ZBTB32: variants seen among roughly 807,000 people sequenced by gnomAD.
ZBTB32 encodes zinc finger and BTB domain-containing protein 32.
Under a neutral mutation model 45.3 loss-of-function variants are expected in ZBTB32, and 28 were observed. The ratio of observed to expected loss-of-function variants is 0.62; its 90% confidence interval spans 0.46 to 0.85. The LOEUF is 0.85. Ranked by LOEUF, ZBTB32 falls within the 40% of genes least tolerant of loss-of-function variation. The pLI, the probability that ZBTB32 is intolerant of heterozygous loss-of-function variation, is 0.00. For synonymous variants in ZBTB32, 283 were observed against 255.7 expected, an observed-to-expected ratio of 1.11 and a Z score of -1.02; for missense variants, 587 against 624.4, an observed-to-expected ratio of 0.94 and a Z score of 0.64.
At chr19:35,711,734 TC>T (rs1460769305) in intron 1 of ZBTB32, among the ~76,000 whole-genome samples, 1 of 151,934 alleles carries the variant, frequency 6.6e-6, no homozygotes, top group East Asian at 1.9e-4. Context: ...CTTAGATCCT[TC>T]CCCCTTAAGA....
chr19:35,716,644 C>A lies in ZBTB32; in HGVS notation c.1356C>A (p.Pro452=), dbSNP rs763920744. 2.5e-5 allele frequency: 40 copies of A among 1,613,856 alleles called. No individual in the cohort carries two copies. The South Asian group carries it at 3.2e-4, about 13-fold the overall frequency. The part of the protein sequence containing the change: ...SMQAHMRGHS[P]SQLPPGWTIR... ...AGGCGCACATGCGCGGTCACTCGCCCAGCCAACTCCCGCCCGGATGGACCA... is the reference window on the plus strand; with the variant it reads ...AGGCGCACATGCGCGGTCACTCGCCAAGCCAACTCCCGCCCGGATGGACCA... Residue 452 remains proline, a synonymous_variant, in exon 7 of 7, where the codon CCC becomes CCA. Coordinates refer to ENST00000392197, the MANE Select transcript of ZBTB32 (RefSeq NM_014383.3).
intron 3 of ZBTB32, 89 bp downstream of exon 3, chr19:35,715,596 TCTACTGCACAGTTC>T: frequency 6.7e-7 from 1 of 1,483,264 alleles, no homozygotes; most frequent in Non-Finnish European, 9.0e-7. Context: ...GCACTGCATC[TCTACTGCACAGTTC>T]CTGAGCTGGG....
rs572240684 is a variant in ZBTB32 at position 35,714,636 on chromosome 19, C to T, written c.10C>T (p.Pro4Ser). The change falls in exon 3 of 7, where the codon CCC (proline) becomes TCC (serine). Residue 4 changes from proline to serine, a missense_variant. Physicochemically the swap from Pro to Ser is moderately conservative, Grantham distance 74. Coordinates refer to ENST00000392197, the MANE Select transcript of ZBTB32 (RefSeq NM_014383.3). The stretch of plus-strand genomic sequence containing the variant: ...CCCAAGCCAAGGCACAATGTCCCTG[C>T]CCCCCATAAGACTGCCCAGCCCCTA... The part of the protein sequence containing the change: MSL[P>S]PIRLPSPYGS... 39 of 1,535,018 alleles carry T rather than the reference C, an allele frequency of 2.5e-5. No homozygotes were observed. The South Asian group carries it at 3.6e-4, about 14-fold the overall frequency.
At chr19:35,715,687 C>T (rs2234369) in intron 3 of ZBTB32, 70 bp from the exon 4 acceptor site, 13 of 1,522,326 alleles carry the variant, frequency 8.5e-6, no homozygotes, top group East Asian at 2.3e-5. Context: ...ACTTGGGATA[C>T]CCCCTCTTCA....
rs1968927232 is a variant in ZBTB32 at position 35,716,786 on chromosome 19, A to G, written c.*34A>G. ...CGGTAGCGTCTTAGCCAAGAGTCCA[A>G]TTAAAGAACGAAAAGCGGGCCGGCT... On this transcript the variant is annotated 3_prime_UTR_variant, in exon 7 of 7. Coordinates refer to ENST00000392197, the MANE Select transcript of ZBTB32 (RefSeq NM_014383.3). 4 of 1,576,934 alleles carry G rather than the reference A, an allele frequency of 2.5e-6. No individual in the cohort carries two copies. Among genetic ancestry groups the G allele is most frequent in the South Asian group, 2.2e-5 (2 of 89,190 alleles).
At position 35,716,773 on chromosome 19, in the gene ZBTB32, A is replaced by G. The variant is rs1431555000; in HGVS notation, c.*21A>G. 1.3e-6 allele frequency: 2 copies of G among 1,588,712 alleles called. No homozygotes were observed. The highest frequency in any genetic ancestry group is 2.3e-5 in the East Asian group (1 of 44,230). ...CCTGACGGGGTGTCGGTAGCGTCTT[A>G]GCCAAGAGTCCAATTAAAGAACGAA... is the stretch of plus-strand genomic sequence containing the variant. On this transcript the variant is annotated 3_prime_UTR_variant, in exon 7 of 7. Coordinates refer to ENST00000392197, the MANE Select transcript of ZBTB32 (RefSeq NM_014383.3).
At position 35,716,667 on chromosome 19, in the gene ZBTB32, C is replaced by G. The variant is rs1405384708; in HGVS notation, c.1379C>G (p.Thr460Ser). Residue 460 changes from threonine to serine, a missense_variant, in exon 7 of 7, where the codon ACC becomes AGC. Transcript: ENST00000392197. ...CCCAGCCAACTCCCGCCCGGATGGA[C>G]CATCCGCTCCACCTTCCTCTACTCC... is the stretch of plus-strand genomic sequence containing the variant. ...HSPSQLPPGW[T>S]IRSTFLYSSS... 3 of 1,613,952 alleles carry G rather than the reference C, an allele frequency of 1.9e-6. No homozygotes were observed. Among genetic ancestry groups the G allele is most frequent in the Non-Finnish European group, 2.5e-6 (3 of 1,180,006 alleles).
At position 35,715,293 on chromosome 19, in the gene ZBTB32, GAGGAA is replaced by G; in HGVS notation, c.670_674del (p.Glu224SerfsTer21). On this transcript the variant is annotated frameshift_variant, in exon 3 of 7. Coordinates refer to ENST00000392197, the MANE Select transcript of ZBTB32 (RefSeq NM_014383.3). LOFTEE classifies it high-confidence loss of function. Reference sequence around the variant, plus strand: ...GTTGAGGGAAAATCCAGGGGGCTCTGAGGAAAGTCTGCGCAAGCTCCCTGGCCCCC... The same window carrying G: ...GTTGAGGGAAAATCCAGGGGGCTCTGAGTCTGCGCAAGCTCCCTGGCCCCC... 6.3e-7 allele frequency: 1 copy of G among 1,583,998 alleles called. No individual in the cohort carries two copies. Among genetic ancestry groups the G allele is most frequent in the Non-Finnish European group, 8.6e-7 (1 of 1,166,714 alleles).
chr19:35,711,421 G>A (rs1311353067), intron 1 of ZBTB32, among the ~76,000 whole-genome samples: 1 of 152,180 alleles, frequency 6.6e-6, no homozygotes, highest in Admixed American at 6.5e-5. Flanking sequence ...GGAAAGCTCA[G>A]AAATGGAAAA....
At chr19:35,716,046 T>A (rs770993449) in intron 5 of ZBTB32, 39 bp downstream of exon 5, 2 of 1,611,048 alleles carry the variant, frequency 1.2e-6, no homozygotes, top group Non-Finnish European at 1.7e-6. Context: ...AGCCCCACTG[T>A]AGCCCTTGAT....
Position 35,715,038 on chromosome 19 carries a change from C to T in ZBTB32, c.412C>T (p.Pro138Ser). 1 of 1,613,128 alleles carries T rather than the reference C, an allele frequency of 6.2e-7. No individual in the cohort carries two copies. Among genetic ancestry groups the T allele is most frequent in the Non-Finnish European group, 8.5e-7 (1 of 1,179,762 alleles). Reference protein sequence around the residue: ...QEEPEKPSRNPERELGDPGEK... With the variant: ...QEEPEKPSRNSERELGDPGEK... Reference sequence around the variant, plus strand: ...GGAGCCAGAGAAACCCTCAAGGAATCCTGAGAGAGAACTGGGGGACCCTGG... The same window carrying T: ...GGAGCCAGAGAAACCCTCAAGGAATTCTGAGAGAGAACTGGGGGACCCTGG... Residue 138 changes from proline (P) to serine (S), a missense_variant, in exon 3 of 7, where the codon CCT becomes TCT. Coordinates refer to ENST00000392197, the MANE Select transcript of ZBTB32 (RefSeq NM_014383.3).
At position 35,716,518 on chromosome 19, in the gene ZBTB32, C is replaced by G. The variant is rs1053692319; in HGVS notation, c.1230C>G (p.Ser410=). ...CCTGTAGCCTTTGTCCTCAGCGCTC[C>G]CGGGACTTCTCGGCCATGACCAAGC... ...PFSCSLCPQR[S]RDFSAMTKHL... is the part of the protein sequence containing the mutation. The change falls in exon 7 of 7, where the codon TCC becomes TCG. Residue 410 remains serine, a synonymous_variant. Transcript: ENST00000392197. 6.2e-7 allele frequency: 1 copy of G among 1,611,586 alleles called. No individual in the cohort carries two copies. The highest frequency in any genetic ancestry group is 1.7e-5 in the Admixed American group (1 of 59,978).
In ZBTB32 at chr19:35,704,604, G is replaced by C. The variant is rs1756593581; in HGVS notation, c.-241G>C. 6.6e-6 allele frequency: 1 copy of C among 152,372 alleles called. No homozygotes were observed. The highest frequency in any genetic ancestry group is 6.5e-5 in the Admixed American group (1 of 15,282). The allele number at this position is 152,372 out of a possible 1,614,324, so 9.4% of individuals were successfully genotyped here. On this transcript the variant is annotated 5_prime_UTR_variant, in exon 1 of 7. Transcript: ENST00000392197. The stretch of plus-strand genomic sequence containing the variant: ...GGTGTATGTGAGGCTGAAAGGGAAG[G>C]AGGAACAGGGTCTGGGCCGGTGAGT...
intron 1 of ZBTB32, among the ~76,000 whole-genome samples, chr19:35,708,434 T>C (rs1043628165): frequency 2.4e-4 from 36 of 152,098 alleles, no homozygotes; most frequent in Non-Finnish European, 4.6e-4. Flanking sequence ...CCAGAGGAGG[T>C]CCAAATGGGA....
Position 35,715,782 on chromosome 19 carries a change from A to G in ZBTB32, c.907A>G (p.Lys303Glu). The G allele has an allele frequency of 1.9e-6, 3 of 1,613,388 alleles. No homozygotes were observed. The highest frequency in any genetic ancestry group is 2.2e-5 in the South Asian group (2 of 91,006). The change falls in exon 4 of 7, where the codon AAA becomes GAA. Residue 303 changes from lysine to glutamate, a missense_variant. Transcript: ENST00000392197. ...QRIPLSLNAPKGLWSQNQLAS... is the reference protein window; with the variant it reads ...QRIPLSLNAPEGLWSQNQLAS... Reference sequence around the variant, plus strand: ...GATCCCACTGTCCCTAAATGCCCCCAAAGGGCTCTGGAGCCAGAACCAGTT... The same window carrying G: ...GATCCCACTGTCCCTAAATGCCCCCGAAGGGCTCTGGAGCCAGAACCAGTT...
intron 1 of ZBTB32, among the ~76,000 whole-genome samples, chr19:35,710,929 T>C (rs1968674268): frequency 6.6e-6 from 1 of 152,018 alleles, no homozygotes; most frequent in African/African-American, 2.4e-5. Flanking sequence ...CAAAGGGCCC[T>C]GGAGATAATT....
intron 1 of ZBTB32, among the ~76,000 whole-genome samples, chr19:35,711,262 A>AGTCCC (rs1644411817): frequency 6.6e-6 from 1 of 152,190 alleles, no homozygotes; most frequent in African/African-American, 2.4e-5. Flanking sequence ...CCCTGGGGCT[A>AGTCCC]GTCCCTCAGG....
chr19:35,716,795 C>T lies in ZBTB32; in HGVS notation c.*43C>T. ...CTTAGCCAAGAGTCCAATTAAAGAA[C>T]GAAAAGCGGGCCGGCTCGGCTTCTG... On this transcript the variant is annotated 3_prime_UTR_variant, in exon 7 of 7. Coordinates refer to ENST00000392197, the MANE Select transcript of ZBTB32 (RefSeq NM_014383.3). The T allele has an allele frequency of 3.2e-6, 5 of 1,567,590 alleles. No individual in the cohort carries two copies. Among genetic ancestry groups the T allele is most frequent in the South Asian group, 2.3e-5 (2 of 87,798 alleles).
At chr19:35,708,343 C>A (rs1968600265) in intron 1 of ZBTB32, among the ~76,000 whole-genome samples, 1 of 152,100 alleles carries the variant, frequency 6.6e-6, no homozygotes, top group Non-Finnish European at 1.5e-5. Flanking sequence ...AGAGCATGGT[C>A]CAGAAGTGAG....
Sources: allele counts gnomAD v4.1 joint callset (sites outside exome capture counted in the v4.1 genomes callset), GRCh38; gene constraint gnomAD v4.1.1; transcripts MANE v1.5; gene names NCBI Gene and HGNC (gene_info 2026-07-23, HGNC 2026-07-21).